Variants in RANBP2 observed in about 807,000 individuals in gnomAD.
The protein encoded by RANBP2 is RAN binding protein 2.
Under a neutral mutation model 303.6 loss-of-function variants are expected in RANBP2, and 57 were observed. The observed-to-expected ratio is 0.19, with a 90% CI of 0.15 to 0.23. The LOEUF (loss-of-function observed/expected upper bound fraction) is 0.23. RANBP2 is among the 10% of genes least tolerant of loss of function. The pLI, the probability that RANBP2 is intolerant of heterozygous loss-of-function variation, is 1.00. For synonymous variants in RANBP2, 1,167 were observed against 1,301.5 expected, an observed-to-expected ratio of 0.90 and a Z score of 2.23; for missense variants, 3,138 against 3,780.8, an observed-to-expected ratio of 0.83 and a Z score of 4.46.
the RANBP2 span, among the ~76,000 whole-genome samples, chr2:108,794,085 A>G: frequency 6.6e-6 from 1 of 152,324 alleles, no homozygotes; most frequent in East Asian, 1.9e-4. Context: ...TTATGTTAAT[A>G]TAATTACATA....
At chr2:109,313,922 T>C in the RANBP2 span, among the ~76,000 whole-genome samples, 1 of 152,154 alleles carries the variant, frequency 6.6e-6, no homozygotes, top group Non-Finnish European at 1.5e-5. Context: ...GGGACCCGTA[T>C]GCAGGGTGCC....
In RANBP2 at chr2:108,755,123, G is replaced by A. The variant is rs747174293; in HGVS notation, c.2382+39G>A. 295 of 1,611,686 alleles carry A rather than the reference G, an allele frequency of 1.8e-4. 2 individuals carry two copies. The highest frequency in any genetic ancestry group is 9.0e-4 in the Middle Eastern group (4 of 4,452). ...AATGGAATCATTTCATTGTGAAATT[G>A]TTTCTGTTCTAAGTGTTTTAAATGC... is the stretch of plus-strand genomic sequence containing the variant. On this transcript the variant is annotated intron_variant, in intron 16 of 28. Transcript: ENST00000283195.
the RANBP2 span, among the ~76,000 whole-genome samples, chr2:109,666,506 A>T: frequency 6.6e-6 from 1 of 152,252 alleles, no homozygotes; most frequent in South Asian, 2.1e-4. Context: ...TTTCTGAGGC[A>T]GTTAAGAATT....
At chr2:108,878,563 A>T in the RANBP2 span, 6 of 200,960 alleles carry the variant, frequency 3.0e-5, no homozygotes, top group African/African-American at 4.7e-5. Flanking sequence ...GGACAGTCAG[A>T]TATGTTTTAT....
the RANBP2 span, among the ~76,000 whole-genome samples, chr2:109,720,059 C>T: frequency 6.6e-6 from 1 of 152,100 alleles, no homozygotes; most frequent in Non-Finnish European, 1.5e-5. Context: ...TACCAGCCAG[C>T]TTCGGCCAGC....
At chr2:109,161,244 A>T in the RANBP2 span, among the ~76,000 whole-genome samples, 2 of 152,188 alleles carry the variant, frequency 1.3e-5, no homozygotes, top group South Asian at 4.1e-4. Context: ...TAAGTCAGGC[A>T]CGAGTATGCA....
chr2:108,859,408 T>A, the RANBP2 span, among the ~76,000 whole-genome samples: 74 of 152,322 alleles, frequency 4.9e-4, no homozygotes, highest in Non-Finnish European at 8.5e-4. Flanking sequence ...TTTAAGTAGG[T>A]CCCAGTTGTC....
the RANBP2 span, among the ~76,000 whole-genome samples, chr2:109,685,460 G>A: frequency 6.6e-6 from 1 of 152,216 alleles, no homozygotes; most frequent in Non-Finnish European, 1.5e-5. Context: ...GAAGTGTCAT[G>A]CTTCTCACAC....
At chr2:109,465,671 G>A in the RANBP2 span, among the ~76,000 whole-genome samples, 1 of 152,198 alleles carries the variant, frequency 6.6e-6, no homozygotes, top group Non-Finnish European at 1.5e-5. Context: ...GGTTCTGCAG[G>A]CTCTACAGGA....
At chr2:109,086,989 A>G in the RANBP2 span, among the ~76,000 whole-genome samples, 1 of 152,232 alleles carries the variant, frequency 6.6e-6, no homozygotes, top group African/African-American at 2.4e-5. Context: ...GGATGAACTC[A>G]CATGTGCTTG....
chr2:109,080,778 T>C, the RANBP2 span, among the ~76,000 whole-genome samples: 1 of 152,236 alleles, frequency 6.6e-6, no homozygotes, highest in African/African-American at 2.4e-5. Context: ...TGTATGTGTG[T>C]AACCTCGTTC....
chr2:109,729,494 A>G, the RANBP2 span, among the ~76,000 whole-genome samples: 1 of 152,092 alleles, frequency 6.6e-6, no homozygotes, highest in Non-Finnish European at 1.5e-5. Context: ...TAAAAATACA[A>G]AAATTAGCTG....
chr2:109,613,705 C>G, the RANBP2 span: 1 of 877,658 alleles, frequency 1.1e-6, no homozygotes, highest in East Asian at 3.6e-5. Context: ...GTCACAATCC[C>G]GGGCCGGACC....
chr2:109,492,718 C>A, the RANBP2 span, among the ~76,000 whole-genome samples: 8 of 152,282 alleles, frequency 5.3e-5, no homozygotes, highest in South Asian at 2.1e-4. Flanking sequence ...CAGCTGAGGA[C>A]TTTCTGACCT....
the RANBP2 span, among the ~76,000 whole-genome samples, chr2:109,675,165 A>G: frequency 3.3e-5 from 5 of 152,032 alleles, no homozygotes; most frequent in Non-Finnish European, 7.4e-5. Flanking sequence ...TAGAGACAGG[A>G]TCTCACTATG....
the RANBP2 span, among the ~76,000 whole-genome samples, chr2:109,436,127 A>G: frequency 1.3e-5 from 2 of 152,208 alleles, no homozygotes; most frequent in Non-Finnish European, 2.9e-5. Context: ...GTGTCTTGAA[A>G]TAAGATCCTG....
the RANBP2 span, among the ~76,000 whole-genome samples, chr2:109,231,287 G>T: frequency 6.6e-5 from 10 of 152,244 alleles, no homozygotes; most frequent in Non-Finnish European, 1.3e-4. Context: ...TTGGTGGGTG[G>T]ATGTGGGAGA....
chr2:109,364,891 G>T, the RANBP2 span, among the ~76,000 whole-genome samples: 1 of 152,170 alleles, frequency 6.6e-6, no homozygotes, highest in Non-Finnish European at 1.5e-5. Flanking sequence ...AGGAGTTCGA[G>T]ACCAGCCTGG....
At chr2:109,117,260 G>C in the RANBP2 span, among the ~76,000 whole-genome samples, 1 of 152,228 alleles carries the variant, frequency 6.6e-6, no homozygotes, top group Non-Finnish European at 1.5e-5. Context: ...AGGCAGGCAG[G>C]CCTCCTTGAG....
Sources: gnomAD v4.1 joint callset for allele counts (sites outside exome capture counted in the v4.1 genomes callset) on GRCh38, gnomAD v4.1.1 for gene constraint, MANE v1.5 for transcripts, NCBI Gene and HGNC (gene_info 2026-07-23, HGNC 2026-07-21) for gene names.